NFKB1: variants seen among roughly 807,000 people sequenced by gnomAD.
The protein encoded by NFKB1 is nuclear factor kappa B subunit 1.
Under a neutral mutation model 105.1 loss-of-function variants are expected in NFKB1, and 9 were observed. The observed-to-expected ratio is 0.09, with a 90% CI of 0.05 to 0.15. The LOEUF is 0.15. NFKB1 is among the 10% of genes least tolerant of loss of function. The probability of loss-of-function intolerance (pLI) is 1.00; values close to 1 mark genes in which losing one functional copy is unlikely to be tolerated. For synonymous variants in NFKB1, 440 were observed against 442.2 expected, an observed-to-expected ratio of 1.00 and a Z score of 0.06; for missense variants, 830 against 1,203.7, an observed-to-expected ratio of 0.69 and a Z score of 4.59.
chr4:102,515,107 AT>A (rs34257045), intron 1 of NFKB1, among the ~76,000 whole-genome samples: 10,661 of 95,574 alleles, frequency 0.11, 309 homozygotes, highest in African/African-American at 0.22. Flanking sequence ...TATTATTATT[AT>A]TTTTTTTTTT....
chr4:102,566,582 C>T (rs1402601324), intron 5 of NFKB1, among the ~76,000 whole-genome samples: 1 of 152,176 alleles, frequency 6.6e-6, no homozygotes, highest in Non-Finnish European at 1.5e-5. Flanking sequence ...CCATCAACCA[C>T]CAGTTTCTTT....
chr4:102,518,827 A>T (rs1366697362), intron 1 of NFKB1, among the ~76,000 whole-genome samples: 1 of 152,176 alleles, frequency 6.6e-6, no homozygotes. Flanking sequence ...TCTGTGCTCC[A>T]CATGGTCTTT....
At chr4:102,572,817 C>A (rs532577418) in intron 6 of NFKB1, among the ~76,000 whole-genome samples, 1 of 152,072 alleles carries the variant, frequency 6.6e-6, no homozygotes, top group Non-Finnish European at 1.5e-5. Context: ...TATATTTAAC[C>A]ACGTATTTAT....
At chr4:102,593,342 C>A in intron 11 of NFKB1, 83 bp from the exon 12 acceptor site, 2 of 1,229,444 alleles carry the variant, frequency 1.6e-6, no homozygotes, top group Non-Finnish European at 2.3e-6. Flanking sequence ...TTAAAAATAC[C>A]ATTAGAATCA....
At chr4:102,607,126 A>G (rs372156600) in intron 17 of NFKB1, 24 bp from the exon 18 acceptor site, 1 of 1,613,790 alleles carries the variant, frequency 6.2e-7, no homozygotes, top group South Asian at 1.1e-5. Context: ...CCATCCTGTG[A>G]CTGTCCCTTT....
At chr4:102,564,095 C>T (rs1409438438) in intron 5 of NFKB1, among the ~76,000 whole-genome samples, 2 of 152,082 alleles carry the variant, frequency 1.3e-5, no homozygotes, top group Non-Finnish European at 2.9e-5. Context: ...GCTGGGATTA[C>T]AGGCATGAGC....
chr4:102,596,287 C>G lies in NFKB1; in HGVS notation c.1450C>G (p.Leu484Val). ...EATVGNGEVT[L>V]TYATGTKEES... The stretch of plus-strand genomic sequence containing the variant: ...CACCGTTGGGAATGGTGAGGTCACT[C>G]TAACGTATGCAACAGGAACAAAAGA... The change falls in exon 14 of 24, where the codon CTA (leucine) becomes GTA (valine). Residue 484 changes from leucine to valine, a missense_variant. Transcript: ENST00000226574. 3 of 1,612,836 alleles carry G rather than the reference C, an allele frequency of 1.9e-6. No homozygotes were observed. The highest frequency in any genetic ancestry group is 1.1e-5 in the South Asian group (1 of 90,974).
At chr4:102,508,883 A>G (rs1251520586) in intron 1 of NFKB1, among the ~76,000 whole-genome samples, 2 of 152,238 alleles carry the variant, frequency 1.3e-5, no homozygotes, top group African/African-American at 4.8e-5. Context: ...ATTATAAATA[A>G]AAGGACAAAT....
intron 5 of NFKB1, among the ~76,000 whole-genome samples, chr4:102,546,223 T>G (rs1358962768): frequency 6.6e-6 from 1 of 152,116 alleles, no homozygotes; most frequent in Non-Finnish European, 1.5e-5. Context: ...TATTTATTCA[T>G]CCATGACTTA....
chr4:102,582,631 C>G (rs1418172607), intron 9 of NFKB1, among the ~76,000 whole-genome samples: 1 of 151,974 alleles, frequency 6.6e-6, no homozygotes, highest in African/African-American at 2.4e-5. Context: ...TTCAAGTTAA[C>G]TAGGTAAATC....
At chr4:102,557,660 A>C (rs1421365911) in intron 5 of NFKB1, among the ~76,000 whole-genome samples, 2 of 152,210 alleles carry the variant, frequency 1.3e-5, no homozygotes, top group Non-Finnish European at 2.9e-5. Context: ...AACAAAATGA[A>C]GCATAGAGGA....
In NFKB1 at chr4:102,567,011, A is replaced by C; in HGVS notation, c.283A>C (p.Lys95Gln). ...GATCTGCAACTATGTGGGACCAGCA[A>C]AGGTTATTGTTCAGTTGGTCACAAA... ...VKICNYVGPA[K>Q]VIVQLVTNGK... Residue 95 changes from lysine to glutamine, a missense_variant, in exon 6 of 24, where the codon AAG becomes CAG. By Grantham distance (53) the Lys-to-Gln change is moderately conservative (BLOSUM62 1). Coordinates refer to ENST00000226574, the MANE Select transcript of NFKB1 (RefSeq NM_003998.4). 2 of 1,614,010 alleles carry C rather than the reference A, an allele frequency of 1.2e-6. No homozygotes were observed. The highest frequency in any genetic ancestry group is 1.7e-6 in the Non-Finnish European group (2 of 1,179,878).
At chr4:102,570,381 C>T (rs1369254283) in intron 6 of NFKB1, among the ~76,000 whole-genome samples, 1 of 152,096 alleles carries the variant, frequency 6.6e-6, no homozygotes, top group East Asian at 1.9e-4. Flanking sequence ...TCCTGCAAAA[C>T]ATATGATCTT....
chr4:102,616,614 A>G lies in NFKB1; in HGVS notation c.*20A>G, dbSNP rs370726107. 31 of 1,609,746 alleles carry G rather than the reference A, an allele frequency of 1.9e-5. No homozygotes were observed. Among genetic ancestry groups the G allele is most frequent in the Non-Finnish European group, 2.5e-5 (30 of 1,177,360 alleles). On this transcript the variant is annotated 3_prime_UTR_variant, in exon 24 of 24. Transcript: ENST00000226574. ...ATTTAGCCTGCTGACAATTTCCCACACCGTGTAAACCAAAGCCCTAAAATT... is the reference window on the plus strand; with the variant it reads ...ATTTAGCCTGCTGACAATTTCCCACGCCGTGTAAACCAAAGCCCTAAAATT...
At chr4:102,514,585 T>C (rs922042907) in intron 1 of NFKB1, among the ~76,000 whole-genome samples, 11 of 152,292 alleles carry the variant, frequency 7.2e-5, no homozygotes, top group African/African-American at 2.6e-4. Flanking sequence ...CTTTATAAAT[T>C]ACCCAGTCTC....
intron 19 of NFKB1, among the ~76,000 whole-genome samples, chr4:102,609,179 A>T (rs969322080): frequency 2.0e-5 from 3 of 151,410 alleles, no homozygotes; most frequent in African/African-American, 7.3e-5. Flanking sequence ...AAGAAAAAGA[A>T]AGAAACTATA....
chr4:102,501,855 C>G (rs1340467919), intron 1 of NFKB1, 67 bp downstream of exon 1: 1 of 152,698 alleles, frequency 6.5e-6, no homozygotes, highest in African/African-American at 2.4e-5. Context: ...CCGCCCAGCC[C>G]TCCGCACCCC....
chr4:102,601,007 C>A lies in NFKB1; in HGVS notation c.1750C>A (p.Gln584Lys), dbSNP rs748712723. The A allele has an allele frequency of 6.5e-7, 1 of 1,548,724 alleles. No individual in the cohort carries two copies. ...TATCAACATGAGAAATGATCTGTAC[C>A]AGGTAAGCAGAAATCTCAAGAAAAC... ...DIINMRNDLY[Q>K]TPLHLAVITK... is the part of the protein sequence containing the mutation. Residue 584 changes from glutamine (Q) to lysine (K), a missense_variant and splice_region_variant, in exon 16 of 24, where the codon CAG (glutamine) becomes AAG (lysine). Coordinates refer to ENST00000226574, the MANE Select transcript of NFKB1 (RefSeq NM_003998.4).
Position 102,597,148 on chromosome 4 carries a change from A to G in NFKB1, c.1496-372A>G, listed in dbSNP as rs4648068. Among the ~76,000 whole-genome samples the G allele has an allele frequency of 0.31, 47,362 of 152,036 alleles. 7,760 individuals carry two copies. Among genetic ancestry groups the G allele is most frequent in the East Asian group, 0.43 (2,198 of 5,162 alleles). On this transcript the variant is annotated intron_variant, in intron 14 of 23. Coordinates refer to ENST00000226574, the MANE Select transcript of NFKB1 (RefSeq NM_003998.4). ...AACAAGCTAATTGTTAGAGATTCCA[A>G]TGAAGGATTATTTCACCAAGATATT...
Sources: allele counts gnomAD v4.1 joint callset (sites outside exome capture counted in the v4.1 genomes callset), GRCh38; gene constraint gnomAD v4.1.1; transcripts MANE v1.5; gene names NCBI Gene and HGNC (gene_info 2026-07-23, HGNC 2026-07-21).